Variants in PTPRD observed in about 807,000 individuals in gnomAD.
The protein encoded by PTPRD is receptor-type tyrosine-protein phosphatase delta.
Under a neutral mutation model 214.5 loss-of-function variants are expected in PTPRD, and 34 were observed. The ratio of observed to expected loss-of-function variants is 0.16; its 90% confidence interval spans 0.12 to 0.21. PTPRD has a LOEUF of 0.21. Ranked by LOEUF, PTPRD falls within the 10% of genes least tolerant of loss-of-function variation. PTPRD has a pLI of 1.00. For missense variants in PTPRD, 2,545 were observed against 2,398.7 expected, an observed-to-expected ratio of 1.06 and a Z score of -1.27; for synonymous variants, 1,128 against 845.7, an observed-to-expected ratio of 1.33 and a Z score of -5.79.
chr9:10,362,709 G>A (rs958483011), intron 2 of PTPRD, among the ~76,000 whole-genome samples: 27 of 151,868 alleles, frequency 1.8e-4, no homozygotes, highest in African/African-American at 6.0e-4. Flanking sequence ...ATGAAACCCC[G>A]TCTCTATTAA....
chr9:8,712,002 C>T (rs534384941), intron 12 of PTPRD, among the ~76,000 whole-genome samples: 5 of 152,150 alleles, frequency 3.3e-5, no homozygotes, highest in Non-Finnish European at 7.4e-5. Flanking sequence ...GAAGGAACTG[C>T]TACATGTAAT....
chr9:8,651,253 C>T (rs1444837538), intron 12 of PTPRD, among the ~76,000 whole-genome samples: 4 of 152,090 alleles, frequency 2.6e-5, no homozygotes, highest in South Asian at 2.1e-4. Flanking sequence ...ACAGTGGCCC[C>T]GCCCATTCAC....
intron 7 of PTPRD, among the ~76,000 whole-genome samples, chr9:9,595,946 TAA>T (rs144715622): frequency 1.6e-4 from 24 of 148,668 alleles, no homozygotes; most frequent in African/African-American, 5.6e-4. Flanking sequence ...CCTATGGAAA[TAA>T]AAAAAAAATA....
chr9:8,678,271 C>T (rs941350358), intron 12 of PTPRD, among the ~76,000 whole-genome samples: 2 of 152,136 alleles, frequency 1.3e-5, no homozygotes, highest in Non-Finnish European at 1.5e-5. Context: ...CCCCGGGAGT[C>T]CTAGATTAAA....
chr9:10,192,640 G>A (rs893929352), intron 3 of PTPRD, among the ~76,000 whole-genome samples: 6 of 152,000 alleles, frequency 3.9e-5, no homozygotes, highest in Admixed American at 1.3e-4. Flanking sequence ...AGGAAGACCA[G>A]AGACATTGAA....
intron 14 of PTPRD, among the ~76,000 whole-genome samples, chr9:8,583,680 T>C (rs1249911615): frequency 3.3e-5 from 5 of 152,318 alleles, no homozygotes. Flanking sequence ...ATACCTAAAT[T>C]ACGTTGCTTT....
At chr9:8,665,819 A>G (rs913949257) in intron 12 of PTPRD, among the ~76,000 whole-genome samples, 6 of 152,202 alleles carry the variant, frequency 3.9e-5, no homozygotes, top group Admixed American at 3.3e-4. Context: ...ATCCAAAGAA[A>G]TACTTTACTG....
chr9:8,805,353 C>G, intron 11 of PTPRD, among the ~76,000 whole-genome samples: 1 of 152,116 alleles, frequency 6.6e-6, no homozygotes, highest in Non-Finnish European at 1.5e-5. Context: ...TCTCTAAATT[C>G]TACATATCCT....
chr9:9,928,263 A>C (rs778485412), intron 5 of PTPRD, among the ~76,000 whole-genome samples: 2 of 152,184 alleles, frequency 1.3e-5, no homozygotes, highest in African/African-American at 4.8e-5. Flanking sequence ...CAGATCAATG[A>C]ATCAATGCTA....
At chr9:10,246,264 A>T (rs985074556) in intron 3 of PTPRD, among the ~76,000 whole-genome samples, 1 of 152,186 alleles carries the variant, frequency 6.6e-6, no homozygotes, top group Non-Finnish European at 1.5e-5. Flanking sequence ...TTGTTTTGAG[A>T]TGGAGTTTCG....
chr9:8,705,949 G>C (rs941359930), intron 12 of PTPRD, among the ~76,000 whole-genome samples: 2 of 152,140 alleles, frequency 1.3e-5, no homozygotes, highest in Non-Finnish European at 2.9e-5. Flanking sequence ...GGAGCATTTA[G>C]TCAGCACTGT....
intron 11 of PTPRD, among the ~76,000 whole-genome samples, chr9:8,885,583 G>C (rs112621206): frequency 4.1e-4 from 57 of 139,574 alleles, no homozygotes; most frequent in Non-Finnish European, 7.0e-4. Context: ...TGAAACCTCT[G>C]CCTTCCAGGT....
chr9:9,317,165 C>G (rs367544204), intron 9 of PTPRD, among the ~76,000 whole-genome samples: 2 of 152,264 alleles, frequency 1.3e-5, no homozygotes, highest in Admixed American at 6.5e-5. Context: ...TTCACTTACT[C>G]CTTAAAAATT....
At chr9:9,308,174 C>T (rs1279817663) in intron 9 of PTPRD, among the ~76,000 whole-genome samples, 1 of 152,084 alleles carries the variant, frequency 6.6e-6, no homozygotes, top group African/African-American at 2.4e-5. Flanking sequence ...CTTTTTAATG[C>T]GTGATTTTGG....
At position 9,371,934 on chromosome 9, in the gene PTPRD, T is replaced by C. The variant is rs537196755; in HGVS notation, c.-203+25515A>G. Among the ~76,000 whole-genome samples, 987 of 152,310 alleles carry C rather than the reference T, an allele frequency of 6.5e-3. 6 individuals carry two copies. The highest frequency in any genetic ancestry group is 0.023 in the African/African-American group (949 of 41,564). On this transcript the variant is annotated intron_variant, in intron 9 of 45. Transcript: ENST00000381196. ...GTAGTTGAGCAGTTTTGAGTGAGTT[T>C]CTTAATCCTGAGTTCTAGTTTGATT...
At chr9:10,581,367 A>C (rs1353222658) in intron 2 of PTPRD, among the ~76,000 whole-genome samples, 1 of 152,206 alleles carries the variant, frequency 6.6e-6, no homozygotes, top group African/African-American at 2.4e-5. Flanking sequence ...TCCACCCTTG[A>C]AAGGAGACTG....
chr9:8,872,238 G>A (rs2098313504), intron 11 of PTPRD, among the ~76,000 whole-genome samples: 1 of 152,164 alleles, frequency 6.6e-6, no homozygotes, highest in Admixed American at 6.6e-5. Context: ...GTGCCAACAA[G>A]GAGCCTGTAG....
intron 2 of PTPRD, among the ~76,000 whole-genome samples, chr9:10,523,189 C>T (rs1327858758): frequency 1.3e-5 from 2 of 152,000 alleles, no homozygotes; most frequent in Non-Finnish European, 2.9e-5. Context: ...GTTTTAAGTA[C>T]ATATCGTGAT....
chr9:9,464,020 T>C (rs1390091143), intron 8 of PTPRD, among the ~76,000 whole-genome samples: 1 of 152,202 alleles, frequency 6.6e-6, no homozygotes, highest in African/African-American at 2.4e-5. Context: ...CCCTAATTCC[T>C]GTTTTCTCAA....
Sources: gnomAD v4.1 joint callset for allele counts (sites outside exome capture counted in the v4.1 genomes callset) on GRCh38, gnomAD v4.1.1 for gene constraint, MANE v1.5 for transcripts, NCBI Gene and HGNC (gene_info 2026-07-23, HGNC 2026-07-21) for gene names.